CNTNAP2: variants seen among roughly 807,000 people sequenced by gnomAD.
The protein encoded by CNTNAP2 is contactin associated protein 2.
CNTNAP2 carries 98 observed loss-of-function variants against 155.2 expected under a neutral mutation model. The observed-to-expected ratio is 0.63, with a 90% confidence interval of 0.54 to 0.75. The LOEUF is 0.75. Ranked by LOEUF, CNTNAP2 falls within the 30% of genes least tolerant of loss-of-function variation. CNTNAP2 has a pLI of 0.00. For synonymous variants in CNTNAP2, 651 were observed against 631.2 expected (o/e 1.03, Z -0.47); for missense variants, 1,727 against 1,688.1 (o/e 1.02, Z -0.40).
intron 4 of CNTNAP2, among the ~76,000 whole-genome samples, chr7:147,100,953 T>C (rs1401024968): frequency 1.3e-5 from 2 of 152,146 alleles, no homozygotes; most frequent in African/African-American, 2.4e-5. Flanking sequence ...TAGGGGACAA[T>C]AGACCAAGGC....
At chr7:146,478,382 A>G (rs910468392) in intron 1 of CNTNAP2, among the ~76,000 whole-genome samples, 1 of 152,030 alleles carries the variant, frequency 6.6e-6, no homozygotes, top group Non-Finnish European at 1.5e-5. Flanking sequence ...TCCATACCTC[A>G]CAGTGCTAAT....
At chr7:146,400,310 ACTT>A (rs1795695962) in intron 1 of CNTNAP2, among the ~76,000 whole-genome samples, 1 of 152,044 alleles carries the variant, frequency 6.6e-6, no homozygotes, top group African/African-American at 2.4e-5. Context: ...AGACAGCAAA[ACTT>A]CTTTGAATTA....
At chr7:147,344,051 A>T (rs1402825167) in intron 9 of CNTNAP2, among the ~76,000 whole-genome samples, 1 of 151,294 alleles carries the variant, frequency 6.6e-6, no homozygotes, top group South Asian at 2.1e-4. Flanking sequence ...TGATTTGCTG[A>T]GGCTAAGGGA....
intron 16 of CNTNAP2, among the ~76,000 whole-genome samples, chr7:148,134,692 TGTTAAA>T (rs1373556251): frequency 6.6e-6 from 1 of 152,224 alleles, no homozygotes; most frequent in Non-Finnish European, 1.5e-5. Context: ...ATTAAATAGT[TGTTAAA>T]GTTACAGAAT....
intron 1 of CNTNAP2, among the ~76,000 whole-genome samples, chr7:146,750,627 G>T (rs896190905): frequency 6.6e-6 from 1 of 152,206 alleles, no homozygotes; most frequent in Non-Finnish European, 1.5e-5. Flanking sequence ...TTCTTTTGTC[G>T]TCAGTGCTAT....
intron 17 of CNTNAP2, among the ~76,000 whole-genome samples, chr7:148,155,638 C>G (rs1311435438): frequency 6.6e-6 from 1 of 152,088 alleles, no homozygotes; most frequent in African/African-American, 2.4e-5. Context: ...TTTGAAAAAG[C>G]CATTCCTGGG....
intron 13 of CNTNAP2, chr7:147,831,983 A>T (rs1460656655): frequency 1.3e-5 from 2 of 152,054 alleles, no homozygotes; most frequent in Admixed American, 6.6e-5. Flanking sequence ...CCCCATGAAT[A>T]TATACACCTA....
At chr7:147,851,651 A>G (rs1404544378) in intron 13 of CNTNAP2, among the ~76,000 whole-genome samples, 2 of 151,928 alleles carry the variant, frequency 1.3e-5, no homozygotes, top group Non-Finnish European at 2.9e-5. Context: ...TCAGCAAACT[A>G]TCACAAGGAC....
chr7:147,836,844 A>T (rs1439871920), intron 13 of CNTNAP2, among the ~76,000 whole-genome samples: 2 of 152,230 alleles, frequency 1.3e-5, no homozygotes, highest in African/African-American at 4.8e-5. Context: ...CAACATATAA[A>T]ATTGAAATTG....
chr7:147,807,145 T>G (rs1193423102), intron 13 of CNTNAP2, among the ~76,000 whole-genome samples: 1 of 151,394 alleles, frequency 6.6e-6, no homozygotes, highest in African/African-American at 2.4e-5. Context: ...GACCCCTATC[T>G]CTACAAAAGA....
intron 1 of CNTNAP2, among the ~76,000 whole-genome samples, chr7:146,693,628 T>C (rs1291405528): frequency 6.6e-6 from 1 of 152,072 alleles, no homozygotes; most frequent in African/African-American, 2.4e-5. Flanking sequence ...TGTTTCCTCA[T>C]CTATTAAATT....
intron 4 of CNTNAP2, among the ~76,000 whole-genome samples, chr7:147,098,607 C>G (rs2129276791): frequency 6.6e-6 from 1 of 152,232 alleles, no homozygotes; most frequent in South Asian, 2.1e-4. Context: ...TATGGACTAA[C>G]TTTTGCCAAC....
At chr7:146,517,943 C>T (rs1472153216) in intron 1 of CNTNAP2, among the ~76,000 whole-genome samples, 2 of 151,874 alleles carry the variant, frequency 1.3e-5, no homozygotes, top group African/African-American at 2.4e-5. Context: ...TTTAAGCAAT[C>T]AAGTGTATTC....
At chr7:146,407,946 C>T (rs1795815813) in intron 1 of CNTNAP2, among the ~76,000 whole-genome samples, 1 of 151,882 alleles carries the variant, frequency 6.6e-6, no homozygotes, top group Non-Finnish European at 1.5e-5. Flanking sequence ...TTTGTTTTAG[C>T]TTATGTTATT....
intron 13 of CNTNAP2, among the ~76,000 whole-genome samples, chr7:147,733,943 C>T (rs762964013): frequency 1.3e-5 from 2 of 152,186 alleles, no homozygotes; most frequent in Non-Finnish European, 1.5e-5. Flanking sequence ...TCTAGATATA[C>T]AATCATTTCA....
At chr7:148,268,579 C>T (rs959465156) in intron 21 of CNTNAP2, among the ~76,000 whole-genome samples, 4 of 151,842 alleles carry the variant, frequency 2.6e-5, no homozygotes, top group African/African-American at 9.7e-5. Context: ...GGCGTGAACC[C>T]GGGAGGCGGA....
chr7:148,212,929 A>T (rs1029583609), intron 18 of CNTNAP2, among the ~76,000 whole-genome samples: 4 of 152,228 alleles, frequency 2.6e-5, no homozygotes, highest in Admixed American at 6.5e-5. Flanking sequence ...ATAAATCCAT[A>T]AAGCTTTTAA....
At chr7:146,258,698 A>G (rs1249544932) in intron 1 of CNTNAP2, among the ~76,000 whole-genome samples, 2 of 152,216 alleles carry the variant, frequency 1.3e-5, no homozygotes, top group Non-Finnish European at 2.9e-5. Context: ...CCACAGTAAC[A>G]TAGTCTCCTG....
intron 13 of CNTNAP2, among the ~76,000 whole-genome samples, chr7:147,751,613 T>G (rs1259620663): frequency 6.6e-6 from 1 of 152,218 alleles, no homozygotes; most frequent in South Asian, 2.1e-4. Context: ...GGGGATGAAA[T>G]GTGTGCAAAC....
Sources: allele counts gnomAD v4.1 joint callset (sites outside exome capture counted in the v4.1 genomes callset), GRCh38; gene constraint gnomAD v4.1.1; transcripts MANE v1.5; gene names NCBI Gene and HGNC (gene_info 2026-07-23, HGNC 2026-07-21).